Variants in PCDH11Y observed in about 807,000 individuals in gnomAD.
PCDH11Y encodes protocadherin-11 Y-linked.
For missense variants in PCDH11Y, 12 were observed against 224.8 expected, an observed-to-expected ratio of 0.05 and a Z score of 6.05; for synonymous variants, 9 against 83.6, an observed-to-expected ratio of 0.11 and a Z score of 4.87.
At chrY:5,244,365 G>T (rs2052992948) in intron 2 of PCDH11Y, among the ~76,000 whole-genome samples, 1 of 33,596 alleles carries the variant, frequency 3.0e-5, no homozygotes, top group East Asian at 7.9e-4. Context: ...AAGCAGCAGA[G>T]ATCGGAGGTT....
chrY:5,570,683 A>G, intron 3 of PCDH11Y, among the ~76,000 whole-genome samples: 1 of 31,752 alleles, frequency 3.1e-5, no homozygotes, highest in Admixed American at 2.9e-4. Flanking sequence ...AAACAATAGC[A>G]TTATTCAGAG....
intron 2 of PCDH11Y, among the ~76,000 whole-genome samples, chrY:5,132,184 T>C (rs2124641330): frequency 1.9e-4 from 6 of 31,322 alleles, no homozygotes; most frequent in Admixed American, 1.2e-3. Context: ...AGATACGATA[T>C]TTATGATAAA....
At chrY:5,630,489 G>T (rs1602954250) in intron 4 of PCDH11Y, among the ~76,000 whole-genome samples, 1 of 33,060 alleles carries the variant, frequency 3.0e-5, no homozygotes, top group Non-Finnish European at 7.5e-5. Flanking sequence ...CCATCAGAAG[G>T]GACAACAGAG....
chrY:5,272,927 A>G, intron 2 of PCDH11Y, among the ~76,000 whole-genome samples: 1 of 33,013 alleles, frequency 3.0e-5, no homozygotes, highest in Non-Finnish European at 7.4e-5. Context: ...CTTTGAGACG[A>G]AAGAACTTCC....
At chrY:5,224,304 C>G (rs2052957370) in intron 2 of PCDH11Y, among the ~76,000 whole-genome samples, 1 of 24,835 alleles carries the variant, frequency 4.0e-5, no homozygotes, top group African/African-American at 1.6e-4. Flanking sequence ...AATCTCATTG[C>G]TGGTGTTTAT....
chrY:5,002,825 C>A, intron 1 of PCDH11Y: 1 of 34,822 alleles, frequency 2.9e-5, no homozygotes, highest in Non-Finnish European at 7.3e-5. Flanking sequence ...AAGCTGAGTC[C>A]CGCTGCAGCT....
chrY:5,645,497 A>C, intron 4 of PCDH11Y, among the ~76,000 whole-genome samples: 1 of 32,413 alleles, frequency 3.1e-5, no homozygotes. Context: ...CTAAGACTTT[A>C]GGAGAATTGA....
intron 3 of PCDH11Y, among the ~76,000 whole-genome samples, chrY:5,552,141 C>G: frequency 3.1e-5 from 1 of 32,540 alleles, no homozygotes; most frequent in South Asian, 6.9e-4. Flanking sequence ...TGTCATGACA[C>G]CAGAAGTAGA....
intron 2 of PCDH11Y, among the ~76,000 whole-genome samples, chrY:5,263,183 G>C: frequency 6.1e-5 from 2 of 32,994 alleles, no homozygotes; most frequent in Non-Finnish European, 1.5e-4. Context: ...TGAAAGCAAT[G>C]TGAGAACATG....
chrY:5,003,643 T>C, intron 1 of PCDH11Y, among the ~76,000 whole-genome samples: 1 of 33,642 alleles, frequency 3.0e-5, no homozygotes, highest in Non-Finnish European at 7.4e-5. Context: ...GCTCTTTATT[T>C]AGAGACCCGC....
At chrY:5,308,802 C>T (rs2053093288) in intron 2 of PCDH11Y, among the ~76,000 whole-genome samples, 1 of 33,101 alleles carries the variant, frequency 3.0e-5, no homozygotes, top group Non-Finnish European at 7.4e-5. Context: ...GAGTTCGGGC[C>T]GGGTGCAGTG....
intron 4 of PCDH11Y, among the ~76,000 whole-genome samples, chrY:5,631,622 G>A: frequency 6.0e-5 from 2 of 33,157 alleles, no homozygotes; most frequent in Admixed American, 5.5e-4. Flanking sequence ...TTTTTAGAGA[G>A]CCAACTAAAA....
At chrY:5,407,793 T>C in intron 2 of PCDH11Y, among the ~76,000 whole-genome samples, 3 of 30,571 alleles carry the variant, frequency 9.8e-5, no homozygotes, top group Admixed American at 3.0e-4. Context: ...CGGGCGCCTG[T>C]AGTCCCAGCT....
intron 4 of PCDH11Y, among the ~76,000 whole-genome samples, chrY:5,664,977 A>T: frequency 9.0e-5 from 3 of 33,293 alleles, no homozygotes; most frequent in Non-Finnish European, 2.2e-4. Context: ...TACACATTTA[A>T]ATAAAGCTTT....
intron 2 of PCDH11Y, among the ~76,000 whole-genome samples, chrY:5,306,174 A>T (rs1602901809): frequency 6.3e-5 from 2 of 31,900 alleles, no homozygotes; most frequent in Non-Finnish European, 1.5e-4. Context: ...GGAAGATGAA[A>T]TGCACATGGA....
intron 2 of PCDH11Y, among the ~76,000 whole-genome samples, chrY:5,122,229 C>A: frequency 3.0e-5 from 1 of 33,219 alleles, no homozygotes; most frequent in African/African-American, 1.2e-4. Context: ...CTATTCCCTA[C>A]CTCCATTGTG....
intron 2 of PCDH11Y, among the ~76,000 whole-genome samples, chrY:5,385,907 G>C: frequency 6.1e-5 from 2 of 32,870 alleles, no homozygotes; most frequent in African/African-American, 2.4e-4. Flanking sequence ...CTGGATATTA[G>C]TCCTTTGTTG....
intron 4 of PCDH11Y, among the ~76,000 whole-genome samples, chrY:5,640,886 G>T: frequency 3.2e-5 from 1 of 31,664 alleles, no homozygotes; most frequent in Non-Finnish European, 7.7e-5. Context: ...GTCCTACATG[G>T]TATCTTCTTT....
intron 1 of PCDH11Y, among the ~76,000 whole-genome samples, chrY:5,019,571 CAAAAAAAAAA>C (rs754467399): frequency 1.8e-3 from 2 of 1,083 alleles, no homozygotes; most frequent in Non-Finnish European, 3.6e-3. Context: ...GACTCCGTCT[CAAAAAAAAAA>C]AAAAAAAAAA....
Sources: gnomAD v4.1 joint callset for allele counts (sites outside exome capture counted in the v4.1 genomes callset) on GRCh38, gnomAD v4.1.1 for gene constraint, MANE v1.5 for transcripts, NCBI Gene and HGNC (gene_info 2026-07-23, HGNC 2026-07-21) for gene names.